Variants in ITK observed in about 807,000 individuals in gnomAD.
The protein encoded by ITK is IL2 inducible T cell kinase.
Under a neutral mutation model 87.6 loss-of-function variants are expected in ITK, and 45 were observed. That is an observed-to-expected ratio of 0.51 (90% CI 0.40 to 0.66). The LOEUF (loss-of-function observed/expected upper bound fraction) is 0.66. Among genes scored for constraint, ITK ranks in the 30% least tolerant of loss-of-function variants. ITK has a pLI of 0.00. For synonymous variants in ITK, 303 were observed against 273.6 expected (o/e 1.11, Z -1.06); for missense variants, 605 against 766.3 (o/e 0.79, Z 2.48).
At position 157,253,619 on chromosome 5, in the gene ITK, C is replaced by T. The variant is rs3892245; in HGVS notation, c.*941C>T. 3.1e-5 allele frequency: 7 copies of T among 228,214 alleles called. No individual in the cohort carries two copies. The highest frequency in any genetic ancestry group is 1.3e-3 in the Middle Eastern group (1 of 748). 14.1% of individuals were successfully genotyped at this position (228,214 alleles called of 1,614,324 possible). Reference sequence around the variant, plus strand: ...TTTTTTCCAGCCTCTGGGAATCAGCCCCCCCTCTCTGCACTATCCGATCCT... The same window carrying T: ...TTTTTTCCAGCCTCTGGGAATCAGCTCCCCCTCTCTGCACTATCCGATCCT... On this transcript the variant is annotated 3_prime_UTR_variant, in exon 17 of 17. Transcript: ENST00000422843.
Position 157,216,134 on chromosome 5 carries a change from G to C in ITK, c.455-1733G>C, listed in dbSNP as rs1206739214. 2.6e-5 allele frequency among the ~76,000 whole-genome samples: 4 copies of C among 152,098 alleles called. No homozygotes were observed. The East Asian group carries it at 7.7e-4, about 29-fold the overall frequency. ...TCCTCACTCTACCCTCTTCTGATTT[G>C]GTTAAATAACTTCATGGATCTGAGT... On this transcript the variant is annotated intron_variant, in intron 4 of 16. Transcript: ENST00000422843.
At chr5:157,182,619 G>A (rs1220763816) in intron 1 of ITK, among the ~76,000 whole-genome samples, 1 of 152,150 alleles carries the variant, frequency 6.6e-6, no homozygotes, top group African/African-American at 2.4e-5. Flanking sequence ...GATTTATCAT[G>A]TAGAGCTAAT....
intron 8 of ITK, among the ~76,000 whole-genome samples, chr5:157,235,588 T>TC (rs1316291478): frequency 9.9e-5 from 15 of 152,138 alleles, no homozygotes; most frequent in African/African-American, 3.4e-4. Flanking sequence ...ATCTCACACA[T>TC]AGGGTGACCT....
chr5:157,203,466 G>A (rs928307594), intron 1 of ITK, among the ~76,000 whole-genome samples: 5 of 152,326 alleles, frequency 3.3e-5, no homozygotes, highest in Non-Finnish European at 7.3e-5. Flanking sequence ...GGACCTAGTA[G>A]GTTCCAAAGA....
At position 157,203,700 on chromosome 5, in the gene ITK, T is replaced by C. The variant is rs17054353; in HGVS notation, c.139-5189T>C. Among the ~76,000 whole-genome samples, 473 of 152,296 alleles carry C rather than the reference T, an allele frequency of 3.1e-3. 1 individual carries two copies. Among genetic ancestry groups the C allele is most frequent in the African/African-American group, 0.011 (450 of 41,566 alleles). On this transcript the variant is annotated intron_variant, in intron 1 of 16. Transcript: ENST00000422843. The stretch of plus-strand genomic sequence containing the variant: ...GTTAACCATTCCAAAGAACTGTGAT[T>C]ATGGGCAGGACCAGAGCTTGCATTT...
At position 157,245,933 on chromosome 5, in the gene ITK, A is replaced by C. The variant is rs1375598682; in HGVS notation, c.1567A>C (p.Lys523Gln). ...TTCCACAGGCACCAAATTCCCGGTG[A>C]AGTGGGCATCCCCAGAGGTTTTCTC... The part of the protein sequence containing the change: ...TSSTGTKFPV[K>Q]WASPEVFSFS... Residue 523 changes from lysine (K) to glutamine (Q), a missense_variant, in exon 15 of 17, where the codon AAG becomes CAG. By Grantham distance (53) the Lys-to-Gln change is moderately conservative. Coordinates refer to ENST00000422843, the MANE Select transcript of ITK (RefSeq NM_005546.4). The C allele has an allele frequency of 1.2e-6, 2 of 1,614,182 alleles. No homozygotes were observed. Among genetic ancestry groups the C allele is most frequent in the Non-Finnish European group, 1.7e-6 (2 of 1,180,006 alleles).
In ITK at chr5:157,210,531, GTTT is replaced by G. The variant is rs11448931; in HGVS notation, c.244-744_244-742del. Among the ~76,000 whole-genome samples, 296 of 147,328 alleles carry G rather than the reference GTTT, an allele frequency of 2.0e-3. 3 individuals carry two copies. Among genetic ancestry groups the G allele is most frequent in the East Asian group, 0.02 (99 of 5,034 alleles). On this transcript the variant is annotated intron_variant, in intron 2 of 16. Transcript: ENST00000422843. ...GTATTGTACCAATGACAATCTCTTG[GTTT>G]TTTTTTTTTTTAATTTTTTTTTATT...
At chr5:157,226,431 G>A (rs1754532655) in intron 6 of ITK, among the ~76,000 whole-genome samples, 1 of 152,216 alleles carries the variant, frequency 6.6e-6, no homozygotes, top group Non-Finnish European at 1.5e-5. Flanking sequence ...GGCAAAAGTA[G>A]ACATAATTAA....
intron 1 of ITK, among the ~76,000 whole-genome samples, 176 bp downstream of exon 1, chr5:157,181,291 G>A (rs1753509042): frequency 6.6e-6 from 1 of 152,120 alleles, no homozygotes; most frequent in South Asian, 2.1e-4. Context: ...GCAGTCAAGA[G>A]GTGAAATGGT....
chr5:157,204,767 C>G (rs1211575095), intron 1 of ITK, among the ~76,000 whole-genome samples: 3 of 152,160 alleles, frequency 2.0e-5, no homozygotes, highest in South Asian at 4.1e-4. Context: ...TGAGCCTCTA[C>G]AGTGTTTTCA....
chr5:157,237,413 A>T (rs562456145), intron 8 of ITK, among the ~76,000 whole-genome samples: 1 of 152,332 alleles, frequency 6.6e-6, no homozygotes, highest in South Asian at 2.1e-4. Flanking sequence ...AGGATAGAAA[A>T]ACTACCTATT....
intron 1 of ITK, among the ~76,000 whole-genome samples, chr5:157,196,321 T>C (rs951797348): frequency 1.3e-5 from 2 of 152,188 alleles, no homozygotes; most frequent in African/African-American, 4.8e-5. Context: ...TCTCAAAACC[T>C]CACAAACACC....
chr5:157,221,399 G>A (rs1754409048), intron 5 of ITK, among the ~76,000 whole-genome samples: 1 of 152,138 alleles, frequency 6.6e-6, no homozygotes, highest in Non-Finnish European at 1.5e-5. Context: ...GGTACAGCTA[G>A]GATCTAGGCT....
chr5:157,235,165 A>T (rs1313673819), intron 8 of ITK, among the ~76,000 whole-genome samples: 1 of 152,190 alleles, frequency 6.6e-6, no homozygotes, highest in East Asian at 1.9e-4. Flanking sequence ...TAACAACTCC[A>T]CTTAAGGGGG....
intron 2 of ITK, among the ~76,000 whole-genome samples, chr5:157,209,661 T>C (rs1288529458): frequency 2.0e-5 from 3 of 152,184 alleles, no homozygotes; most frequent in South Asian, 2.1e-4. Flanking sequence ...TGAGGCAACA[T>C]ATTGCAATTG....
intron 1 of ITK, among the ~76,000 whole-genome samples, chr5:157,185,687 A>G (rs906626255): frequency 6.6e-6 from 1 of 151,692 alleles, no homozygotes; most frequent in African/African-American, 2.4e-5. Context: ...CTCCACAAAA[A>G]AAAAAAAAAA....
chr5:157,219,748 C>T (rs543845464), intron 5 of ITK, among the ~76,000 whole-genome samples: 3 of 152,184 alleles, frequency 2.0e-5, no homozygotes, highest in African/African-American at 7.2e-5. Flanking sequence ...GGTTCGGAAC[C>T]CTACTGCCCT....
At chr5:157,183,758 G>T (rs925367719) in intron 1 of ITK, among the ~76,000 whole-genome samples, 2 of 152,144 alleles carry the variant, frequency 1.3e-5, no homozygotes, top group Non-Finnish European at 2.9e-5. Flanking sequence ...AGGGTGTCGG[G>T]TGTCAGAGCT....
At chr5:157,229,390 G>A (rs35820140) in intron 7 of ITK, among the ~76,000 whole-genome samples, 2,488 of 152,248 alleles carry the variant, frequency 0.016, 28 homozygotes, top group Non-Finnish European at 0.027. Flanking sequence ...GAGCAAAAAG[G>A]TATCTTGTGT....
Sources: gnomAD v4.1 joint callset for allele counts (sites outside exome capture counted in the v4.1 genomes callset) on GRCh38, gnomAD v4.1.1 for gene constraint, MANE v1.5 for transcripts, NCBI Gene and HGNC (gene_info 2026-07-23, HGNC 2026-07-21) for gene names.